Variants in ANXA8 observed in about 807,000 individuals in gnomAD.
The protein encoded by ANXA8 is VAC-beta.
A neutral mutation model predicts 26.8 loss-of-function variants in ANXA8; 9 were observed. The ratio of observed to expected loss-of-function variants is 0.34; its 90% confidence interval spans 0.20 to 0.59. The LOEUF (loss-of-function observed/expected upper bound fraction) is 0.59. Among genes scored for constraint, ANXA8 ranks in the 20% least tolerant of loss-of-function variants. The pLI is 0.84. For missense variants in ANXA8, 83 were observed against 238.5 expected (o/e 0.35, Z 4.29); for synonymous variants, 39 against 94.8 (o/e 0.41, Z 3.42).
the ANXA8 span, chr10:47,581,453 A>T: frequency 1.9e-6 from 1 of 534,776 alleles, no homozygotes; most frequent in Non-Finnish European, 3.7e-6. Flanking sequence ...CCCACAGCAT[A>T]CTTACCATGT....
chr10:47,660,404 T>C, the ANXA8 span, among the ~76,000 whole-genome samples: 1 of 145,544 alleles, frequency 6.9e-6, no homozygotes, highest in East Asian at 2.0e-4. Context: ...TCTTTCTTTC[T>C]TTTTTTTTTT....
Position 47,481,535 on chromosome 10 carries a change from TGCCTGCCGGC to T in ANXA8, c.22-1657_22-1648del, listed in dbSNP as rs1164055267. Among the ~76,000 whole-genome samples, 56 of 149,702 alleles carry T rather than the reference TGCCTGCCGGC, an allele frequency of 3.7e-4. 1 individual carries two copies. The highest frequency in any genetic ancestry group is 1.2e-3 in the African/African-American group (50 of 40,926). On this transcript the variant is annotated intron_variant, in intron 1 of 11. Coordinates refer to ENST00000585281, the MANE Select transcript of ANXA8 (RefSeq NM_001040084.3). ...ATGTGGGAGGCATCTCAGCTCTCAG[TGCCTGCCGGC>T]TTCCCTCTGCCCCAGCACTCGGGGG...
chr10:47,590,347 C>T, the ANXA8 span: 3 of 146,662 alleles, frequency 2.0e-5, no homozygotes, highest in Non-Finnish European at 2.9e-5. Flanking sequence ...AGGGTGTGAT[C>T]CACAGCCAAG....
the ANXA8 span, among the ~76,000 whole-genome samples, chr10:47,959,275 G>A: frequency 2.7e-5 from 4 of 147,256 alleles, no homozygotes; most frequent in African/African-American, 1.0e-4. Context: ...TGTAGGTAAC[G>A]TTGCAGGGGA....
chr10:47,733,193 CTTTCTTTCTT>C, the ANXA8 span, among the ~76,000 whole-genome samples: 1 of 117,050 alleles, frequency 8.5e-6, no homozygotes, highest in Admixed American at 8.7e-5. Flanking sequence ...TTCTTTCTTT[CTTTCTTTCTT>C]TCTTTCTTTC....
At chr10:47,580,173 GC>G in the ANXA8 span, among the ~76,000 whole-genome samples, 1 of 151,730 alleles carries the variant, frequency 6.6e-6, no homozygotes, top group Non-Finnish European at 1.5e-5. Context: ...ACCCACCTCA[GC>G]CTCCCAAAGT....
At chr10:47,644,420 G>A in the ANXA8 span, among the ~76,000 whole-genome samples, 1 of 152,008 alleles carries the variant, frequency 6.6e-6, no homozygotes, top group Non-Finnish European at 1.5e-5. Context: ...TGCTGTTGCA[G>A]TGAGAAAGCA....
the ANXA8 span, among the ~76,000 whole-genome samples, chr10:47,659,689 A>G: frequency 6.7e-6 from 1 of 150,234 alleles, no homozygotes; most frequent in African/African-American, 2.5e-5. Flanking sequence ...AAAAAAAAAA[A>G]AAAGAGTGTT....
At chr10:47,488,252 C>A, upstream of ANXA8, among the ~76,000 whole-genome samples, 1 of 140,690 alleles carries the variant, frequency 7.1e-6, no homozygotes, top group South Asian at 2.4e-4. Flanking sequence ...GCTCTGTCAC[C>A]CAGGCTGGAG....
the ANXA8 span, among the ~76,000 whole-genome samples, chr10:47,684,574 A>C: frequency 6.6e-6 from 1 of 151,758 alleles, no homozygotes; most frequent in Non-Finnish European, 1.5e-5. Context: ...CTTTCTTAAA[A>C]CATTATGAGT....
At chr10:47,627,706 A>G in the ANXA8 span, among the ~76,000 whole-genome samples, 2 of 150,098 alleles carry the variant, frequency 1.3e-5, no homozygotes, top group Non-Finnish European at 2.9e-5. Context: ...AATTGCAAAG[A>G]TGCCAGGGAA....
chr10:47,921,451 A>G, the ANXA8 span, among the ~76,000 whole-genome samples: 1 of 152,046 alleles, frequency 6.6e-6, no homozygotes, highest in Non-Finnish European at 1.5e-5. Flanking sequence ...GGGGCATTCT[A>G]CCCATGTTCC....
the ANXA8 span, among the ~76,000 whole-genome samples, chr10:47,945,429 C>T: frequency 7.9e-5 from 12 of 150,990 alleles, no homozygotes; most frequent in Admixed American, 5.3e-4. Context: ...GTTGTCTTCA[C>T]TGGGTAAGGG....
the ANXA8 span, among the ~76,000 whole-genome samples, chr10:47,941,794 G>A: frequency 6.8e-6 from 1 of 147,798 alleles, no homozygotes; most frequent in Non-Finnish European, 1.5e-5. Flanking sequence ...ACCTACTATG[G>A]GCCAGGCCCA....
the ANXA8 span, among the ~76,000 whole-genome samples, chr10:47,572,542 C>A: frequency 1.3e-5 from 2 of 151,002 alleles, no homozygotes; most frequent in African/African-American, 4.9e-5. Context: ...ATGGTGAAAC[C>A]CCGTCTCCAC....
At chr10:47,534,713 G>A in the ANXA8 span, among the ~76,000 whole-genome samples, 7 of 98,944 alleles carry the variant, frequency 7.1e-5, no homozygotes, top group African/African-American at 2.9e-4. Flanking sequence ...AGAGTGCAAT[G>A]GTGCGATCTT....
the ANXA8 span, chr10:47,692,877 G>A: frequency 6.7e-6 from 1 of 150,316 alleles, no homozygotes; most frequent in East Asian, 2.0e-4. Flanking sequence ...TGAGATTACA[G>A]GTGCAAGCCA....
At chr10:47,589,200 T>A in the ANXA8 span, 1 of 146,774 alleles carries the variant, frequency 6.8e-6, no homozygotes, top group African/African-American at 2.7e-5. Flanking sequence ...AGCAGATATA[T>A]TAAAAGCAAA....
At chr10:47,497,624 A>C in the ANXA8 span, among the ~76,000 whole-genome samples, 4 of 142,110 alleles carry the variant, frequency 2.8e-5, no homozygotes, top group South Asian at 8.9e-4. Flanking sequence ...CATCTCAAAA[A>C]AAAAAAACAA....
Sources: allele counts gnomAD v4.1 joint callset (sites outside exome capture counted in the v4.1 genomes callset), GRCh38; gene constraint gnomAD v4.1.1; transcripts MANE v1.5; gene names NCBI Gene and HGNC (gene_info 2026-07-23, HGNC 2026-07-21).